CFAP74: variants seen among roughly 807,000 people sequenced by gnomAD.
The protein encoded by CFAP74 is cilia- and flagella-associated protein 74.
CFAP74 carries 124 observed loss-of-function variants against 188.9 expected under a neutral mutation model. The observed-to-expected ratio is 0.66, with a 90% CI of 0.57 to 0.76. CFAP74 has a LOEUF of 0.76. CFAP74 is among the 30% of genes least tolerant of loss of function. CFAP74 has a pLI of 0.00. For missense variants in CFAP74, 2,198 were observed against 2,165.2 expected, an observed-to-expected ratio of 1.02 and a Z score of -0.30; for synonymous variants, 956 against 916.7, an observed-to-expected ratio of 1.04 and a Z score of -0.77.
At position 1,925,837 on chromosome 1, in the gene CFAP74, G is replaced by A. The variant is rs769414253; in HGVS notation, c.4050C>T (p.Ser1350=). The A allele has an allele frequency of 2.7e-5, 43 of 1,612,572 alleles. No homozygotes were observed. The highest frequency in any genetic ancestry group is 1.8e-4 in the East Asian group (8 of 44,906). Residue 1350 remains serine (S), a synonymous_variant, in exon 33 of 39, where the codon AGC becomes AGT. Coordinates refer to ENST00000682832, the MANE Select transcript of CFAP74 (RefSeq NM_001304360.2). ...CAATCACATAGCCCATGTTGAGGAC[G>A]CTGCCTTCAATGGAGCACGTGATCA... ...ASMITCSIEG[S]VLNMGYVIAG...
chr1:1,945,700 C>T (rs144219806), intron 20 of CFAP74, among the ~76,000 whole-genome samples: 2,538 of 152,030 alleles, frequency 0.017, 71 homozygotes, highest in African/African-American at 0.057. Context: ...TGGTGGCACG[C>T]ACCTGTAATC....
At position 1,923,750 on chromosome 1, in the gene CFAP74, T is replaced by C; in HGVS notation, c.4389+25A>G. Reference sequence around the variant, plus strand: ...GCGTGGGGCCAGGGCCGGGCCGGGCTGAGCTTGCAGAGCCAGAGCCGCACC... The same window carrying C: ...GCGTGGGGCCAGGGCCGGGCCGGGCCGAGCTTGCAGAGCCAGAGCCGCACC... On this transcript the variant is annotated intron_variant, in intron 35 of 38. Coordinates refer to ENST00000682832, the MANE Select transcript of CFAP74 (RefSeq NM_001304360.2). This position sits in a 1 kb window ranked among gnomAD's most constrained non-coding sequence, Gnocchi z 6.3. 1 of 1,613,028 alleles carries C rather than the reference T, an allele frequency of 6.2e-7. No individual in the cohort carries two copies. Among genetic ancestry groups the C allele is most frequent in the Non-Finnish European group, 8.5e-7 (1 of 1,179,792 alleles).
At position 1,923,309 on chromosome 1, in the gene CFAP74, C is replaced by T; in HGVS notation, c.4522+58G>A. The T allele has an allele frequency of 2.0e-6, 3 of 1,520,084 alleles. No individual in the cohort carries two copies. The highest frequency in any genetic ancestry group is 2.7e-6 in the Non-Finnish European group (3 of 1,127,898). 94.2% of individuals were successfully genotyped at this position (1,520,084 alleles called of 1,614,324 possible). The stretch of plus-strand genomic sequence containing the variant: ...TCCGCTGGGTCTCGGGGCCCCCATC[C>T]ACGGGACAGGGGCACCGGGAGGCCC... On this transcript the variant is annotated intron_variant, in intron 36 of 38. Coordinates refer to ENST00000682832, the MANE Select transcript of CFAP74 (RefSeq NM_001304360.2). The surrounding 1 kb of genome is among the most constrained non-coding windows in gnomAD (Gnocchi z 6.3).
intron 1 of CFAP74, among the ~76,000 whole-genome samples, chr1:2,001,312 G>T (rs1273151578): frequency 6.6e-6 from 1 of 151,590 alleles, no homozygotes; most frequent in Non-Finnish European, 1.5e-5. Flanking sequence ...TTGTGTTTTT[G>T]TTTTGTTTTG....
Position 1,946,331 on chromosome 1 carries a change from G to C in CFAP74, c.2350C>G (p.Pro784Ala), listed in dbSNP as rs1194253565. ...QARFKVTFKN[P>A]QCPTLHFRVV... The stretch of plus-strand genomic sequence containing the variant: ...GGAATACTCACCGTGGGGCACTGGG[G>C]GTTCTTAAACGTGACTTTGAACCTG... The change falls in exon 20 of 39, where the codon CCC (proline) becomes GCC (alanine). Residue 784 changes from proline (P) to alanine (A), a missense_variant. Physicochemically the swap from Pro to Ala is conservative, Grantham distance 27 (BLOSUM62 -1). Coordinates refer to ENST00000682832, the MANE Select transcript of CFAP74 (RefSeq NM_001304360.2). The C allele has an allele frequency of 1.2e-5, 18 of 1,536,166 alleles. No individual in the cohort carries two copies. The highest frequency in any genetic ancestry group is 1.6e-5 in the Non-Finnish European group (18 of 1,146,674).
chr1:1,927,303 C>A (rs1015196232), intron 28 of CFAP74: 2 of 576,678 alleles, frequency 3.5e-6, no homozygotes, highest in Non-Finnish European at 6.1e-6. Context: ...CTTCCCGGGG[C>A]CACAGGCACC....
chr1:1,970,741 T>C lies in CFAP74; in HGVS notation c.964A>G (p.Lys322Glu), dbSNP rs370425499. ...TCCCTGCCCTGGGCCAGAATCGCCT[T>C]CTTCTCAGCCTGGACCCTCTGCTCC... Reference protein sequence around the residue: ...LAEQRVQAEKKAILAQGRDAF... With the variant: ...LAEQRVQAEKEAILAQGRDAF... Residue 322 changes from lysine to glutamate, a missense_variant, in exon 10 of 39, where the codon AAG becomes GAG. Physicochemically the swap from Lys to Glu is moderately conservative, Grantham distance 56. Transcript: ENST00000682832. 8 of 1,614,174 alleles carry C rather than the reference T, an allele frequency of 5.0e-6. No homozygotes were observed. The highest frequency in any genetic ancestry group is 1.1e-5 in the South Asian group (1 of 91,092).
At chr1:1,956,402 T>C (rs1233850255) in intron 17 of CFAP74, among the ~76,000 whole-genome samples, 1 of 151,876 alleles carries the variant, frequency 6.6e-6, no homozygotes, top group Non-Finnish European at 1.5e-5. Flanking sequence ...AGAAAGGGAG[T>C]GTCCTGCTGC....
At position 1,944,472 on chromosome 1, in the gene CFAP74, C is replaced by A; in HGVS notation, c.2365-20G>T. 3.3e-6 allele frequency: 5 copies of A among 1,534,480 alleles called. No homozygotes were observed. The highest frequency in any genetic ancestry group is 4.4e-6 in the Non-Finnish European group (5 of 1,145,596). On this transcript the variant is annotated intron_variant, in intron 20 of 38. Coordinates refer to ENST00000682832, the MANE Select transcript of CFAP74 (RefSeq NM_001304360.2). ...ATGCAGCTGCATATGGACACAGGAG[C>A]TCAGCAACAGGAGTTCCTTGGGCAC...
Position 1,923,952 on chromosome 1 carries a change from T to C in CFAP74, c.4235-23A>G. The C allele has an allele frequency of 6.3e-7, 1 of 1,592,252 alleles. No individual in the cohort carries two copies. The highest frequency in any genetic ancestry group is 8.6e-7 in the Non-Finnish European group (1 of 1,169,044). ...TCCCTGCGGGTAGGGTGGGGTGCAG[T>C]TTGGCCTTCTCCACCTGCAATCACT... On this transcript the variant is annotated intron_variant, in intron 34 of 38. Transcript: ENST00000682832. This position sits in a 1 kb window ranked among gnomAD's most constrained non-coding sequence, Gnocchi z 6.3.
Position 1,944,331 on chromosome 1 carries a change from CG to C in CFAP74, c.2485del (p.Arg829GlyfsTer8). The C allele has an allele frequency of 6.5e-7, 1 of 1,535,054 alleles. No individual in the cohort carries two copies. The highest frequency in any genetic ancestry group is 1.2e-5 in the South Asian group (1 of 84,004). On this transcript the variant is annotated frameshift_variant and splice_region_variant, in exon 21 of 39. Transcript: ENST00000682832. LOFTEE classifies it high-confidence loss of function. ...LYQDSVLVHT[R>X]SKAALRLKFE... ...TGTGCATGGACAGGAGGGGGCTCACCGCGTGTGCACGAGCACAGAGTCCTGG... is the reference window on the plus strand; with the variant it reads ...TGTGCATGGACAGGAGGGGGCTCACCCGTGTGCACGAGCACAGAGTCCTGG...
At position 1,993,843 on chromosome 1, in the gene CFAP74, G is replaced by A. The variant is rs575211626; in HGVS notation, c.-19-2868C>T. ...TAAAAATACAAAAAATTAGCCGGGC[G>A]TGGTGGCGGGCGCCTATAGTCCCAG... On this transcript the variant is annotated intron_variant, in intron 1 of 38. Transcript: ENST00000682832. Among the ~76,000 whole-genome samples the A allele has an allele frequency of 4.0e-3, 611 of 151,020 alleles. 2 individuals are homozygous for A. Among genetic ancestry groups the A allele is most frequent in the Non-Finnish European group, 6.8e-3 (459 of 67,812 alleles).
Position 1,928,826 on chromosome 1 carries a change from C to G in CFAP74, c.3345G>C (p.Gln1115His), listed in dbSNP as rs1026206102. ...RPVLPEKLIR[Q>H]EALPLLNKEM... The stretch of plus-strand genomic sequence containing the variant: ...CTTTGTTCAGGAGTGGGAGGGCTTC[C>G]TGGCGGATCAGCTTCTCGGGCAGCA... Residue 1115 changes from glutamine to histidine, a missense_variant, in exon 27 of 39, where the codon CAG (glutamine) becomes CAC (histidine). By Grantham distance (24) the Gln-to-His change is conservative (BLOSUM62 0). Transcript: ENST00000682832. 1 of 1,535,718 alleles carries G rather than the reference C, an allele frequency of 6.5e-7. No homozygotes were observed. Among genetic ancestry groups the G allele is most frequent in the Non-Finnish European group, 8.7e-7 (1 of 1,146,742 alleles).
chr1:1,957,677 A>G (rs77064117), intron 16 of CFAP74, among the ~76,000 whole-genome samples: 1 of 152,094 alleles, frequency 6.6e-6, no homozygotes, highest in African/African-American at 2.4e-5. Context: ...CACGTGCTCC[A>G]TGATGCTGAT....
chr1:1,929,775 T>C (rs1652213874), intron 26 of CFAP74, among the ~76,000 whole-genome samples: 1 of 151,644 alleles, frequency 6.6e-6, no homozygotes, highest in African/African-American at 2.4e-5. Flanking sequence ...GAGCCCTGGA[T>C]GGGTTCCGGC....
rs116167368 is a variant in CFAP74, at chr1:1,975,008, C to T, written c.501-810G>A. 7.4e-4 allele frequency among the ~76,000 whole-genome samples: 112 copies of T among 152,326 alleles called. No individual in the cohort carries two copies. The highest frequency in any genetic ancestry group is 2.6e-3 in the African/African-American group (107 of 41,568). On this transcript the variant is annotated intron_variant, in intron 6 of 38. Coordinates refer to ENST00000682832, the MANE Select transcript of CFAP74 (RefSeq NM_001304360.2). The surrounding 1 kb of genome is among the most constrained non-coding windows in gnomAD (Gnocchi z 4.5). ...TTCCACCCAGAGATGCGGCTCAGGCCGGGGCTGGCCACGCGAGGATCAGAA... is the reference window on the plus strand; with the variant it reads ...TTCCACCCAGAGATGCGGCTCAGGCTGGGGCTGGCCACGCGAGGATCAGAA...
intron 1 of CFAP74, among the ~76,000 whole-genome samples, chr1:1,993,298 T>C (rs1657704771): frequency 6.6e-6 from 1 of 152,078 alleles, no homozygotes; most frequent in South Asian, 2.1e-4. Flanking sequence ...TTCTTTTATT[T>C]TTTTGAGACA....
At chr1:1,948,152 T>A (rs951513373) in intron 18 of CFAP74, among the ~76,000 whole-genome samples, 2 of 152,124 alleles carry the variant, frequency 1.3e-5, no homozygotes, top group African/African-American at 4.8e-5. Context: ...ATTACAGGCG[T>A]GAGCCACTGT....
At chr1:1,969,772 G>A (rs537778171) in intron 10 of CFAP74, among the ~76,000 whole-genome samples, 29 of 152,254 alleles carry the variant, frequency 1.9e-4, no homozygotes, top group South Asian at 8.3e-4. Flanking sequence ...GGGTGGGGAG[G>A]ACGCACTCAG....
Sources: gnomAD v4.1 joint callset for allele counts (sites outside exome capture counted in the v4.1 genomes callset) on GRCh38, gnomAD v4.1.1 for gene constraint, Gnocchi (gnomAD v3.1) non-coding constraint, MANE v1.5 for transcripts, NCBI Gene and HGNC (gene_info 2026-07-23, HGNC 2026-07-21) for gene names.